The following HSPG2 variants were observed in gnomAD, a reference collection of about 807,000 sequenced individuals.
The protein encoded by HSPG2 is basement membrane-specific heparan sulfate proteoglycan core protein.
Under a neutral mutation model 526.6 loss-of-function variants are expected in HSPG2, and 278 were observed. The observed-to-expected ratio is 0.53, with a 90% CI of 0.48 to 0.58. The LOEUF (loss-of-function observed/expected upper bound fraction) is 0.58, where lower values mean the gene tolerates loss of function less well. Among genes scored for constraint, HSPG2 ranks in the 20% least tolerant of loss-of-function variants. The probability of loss-of-function intolerance (pLI) is 0.00; values close to 1 mark genes in which losing one functional copy is unlikely to be tolerated. For missense variants in HSPG2, 5,354 were observed against 6,099.5 expected, an observed-to-expected ratio of 0.88 and a Z score of 4.07; for synonymous variants, 2,465 against 2,555.4, an observed-to-expected ratio of 0.96 and a Z score of 1.07.
At chr1:21,873,540 C>T in intron 29 of HSPG2, 116 bp from the exon 30 acceptor site, 1 of 1,032,506 alleles carries the variant, frequency 9.7e-7, no homozygotes, top group South Asian at 1.3e-5. Flanking sequence ...AAAAGAAGAG[C>T]CTGACTCGCC....
rs1572194209 is a variant in HSPG2, at chr1:21,842,853, C to G, written c.8827G>C (p.Asp2943His). The change falls in exon 67 of 97, where the codon GAT becomes CAT. Residue 2943 changes from aspartate to histidine, a missense_variant. Transcript: ENST00000374695. ...SSHVTEGQTL[D>H]LNCVVPGQAH... ...TGCCCGGGCACCACACAGTTCAGAT[C>G]CAGAGTCTGCCCTTCAGTCACGTGT... 8 of 1,614,120 alleles carry G rather than the reference C, an allele frequency of 5.0e-6. No homozygotes were observed. In the East Asian group the frequency reaches 8.9e-5, roughly 18 times the overall value.
rs542068933 is a variant in HSPG2, at chr1:21,870,103, A to T, written c.4221+2083T>A. 2.5e-4 allele frequency: 80 copies of T among 313,914 alleles called. No individual in the cohort carries two copies. In the East Asian group the frequency reaches 0.011, roughly 43 times the overall value. The allele number at this position is 313,914 out of a possible 1,614,324, so 19.4% of individuals were successfully genotyped here. A position where few individuals can be genotyped will look rare whatever the true frequency, so the allele number is the denominator to read the frequency against. ...CTGGGGCCTGGCCTGGCATAGGGGA[A>T]ATGGCCCAGGAAAGCTGGAGTCTTC... On this transcript the variant is annotated intron_variant, in intron 33 of 96. Coordinates refer to ENST00000374695, the MANE Select transcript of HSPG2 (RefSeq NM_005529.7).
rs569847183 is a variant in HSPG2 at position 21,840,029 on chromosome 1, C to G, written c.9514-12G>C. ...TTAGCTGATGAAATCTGGGAGAAAG[C>G]AAGGAGGCTGGTTATGTGGGGACTC... is the stretch of plus-strand genomic sequence containing the variant. On this transcript the variant is annotated splice_polypyrimidine_tract_variant and intron_variant, in intron 71 of 96. Coordinates refer to ENST00000374695, the MANE Select transcript of HSPG2 (RefSeq NM_005529.7). The G allele has an allele frequency of 6.2e-7, 1 of 1,613,884 alleles. No individual in the cohort carries two copies. Among genetic ancestry groups the G allele is most frequent in the South Asian group, 1.1e-5 (1 of 91,064 alleles).
chr1:21,848,855 C>T lies in HSPG2; in HGVS notation c.7585+38G>A. 6.2e-7 allele frequency: 1 copy of T among 1,613,218 alleles called. No homozygotes were observed. The highest frequency in any genetic ancestry group is 1.1e-5 in the South Asian group (1 of 91,088). On this transcript the variant is annotated intron_variant, in intron 58 of 96. Coordinates refer to ENST00000374695, the MANE Select transcript of HSPG2 (RefSeq NM_005529.7). The surrounding 1 kb of genome is among the most constrained non-coding windows in gnomAD (Gnocchi z 4.9). ...TGCTGAGGGTGCAGTCGGGGTCCCCCAGCCCTCCACCATTTGCATGACCCC... is the reference window on the plus strand; with the variant it reads ...TGCTGAGGGTGCAGTCGGGGTCCCCTAGCCCTCCACCATTTGCATGACCCC...
rs2152762279 is a variant in HSPG2, at chr1:21,887,138, G to A, written c.1078+77C>T. On this transcript the variant is annotated intron_variant, in intron 9 of 96. Coordinates refer to ENST00000374695, the MANE Select transcript of HSPG2 (RefSeq NM_005529.7). This position sits in a 1 kb window ranked among gnomAD's most constrained non-coding sequence, Gnocchi z 5.0. Reference sequence around the variant, plus strand: ...AGCGGAGGGGCAGGGTAGGGGCGGGGCAGGAGTGGAAGGCGGGGCAGGAGC... The same window carrying A: ...AGCGGAGGGGCAGGGTAGGGGCGGGACAGGAGTGGAAGGCGGGGCAGGAGC... 3.9e-6 allele frequency: 6 copies of A among 1,540,058 alleles called. No homozygotes were observed. The highest frequency in any genetic ancestry group is 5.3e-6 in the Non-Finnish European group (6 of 1,123,718).
At chr1:21,902,844 C>A (rs564057480) in intron 1 of HSPG2, among the ~76,000 whole-genome samples, 18 of 152,336 alleles carry the variant, frequency 1.2e-4, no homozygotes, top group African/African-American at 3.4e-4. Flanking sequence ...TTGGACAAGC[C>A]CCTGCCTCCT....
intron 1 of HSPG2, among the ~76,000 whole-genome samples, chr1:21,930,490 C>T (rs768164633): frequency 1.3e-5 from 2 of 152,196 alleles, no homozygotes. Context: ...AGATCTAGAA[C>T]AGGGCGGGTG....
chr1:21,925,925 G>C (rs1644178580), intron 1 of HSPG2, among the ~76,000 whole-genome samples: 2 of 151,962 alleles, frequency 1.3e-5, no homozygotes, highest in South Asian at 4.2e-4. Context: ...CGCCTCCCGG[G>C]TTGAAGCAAT....
In HSPG2 at chr1:21,881,342, G is replaced by A. The variant is rs774853031; in HGVS notation, c.1815C>T (p.Asn605=). The change falls in exon 14 of 97, where the codon AAC becomes AAT. Residue 605 remains asparagine, a synonymous_variant. Transcript: ENST00000374695. ...FWALPEQFLG[N]KVDSYGGSLR... ...GGTGGCAGCCCAGGCCCCTCACCTT[G>A]TTGCCCAGGAACTGTTCAGGCAGAG... 1.2e-6 allele frequency: 2 copies of A among 1,613,732 alleles called. No homozygotes were observed. The highest frequency in any genetic ancestry group is 3.3e-5 in the Admixed American group (2 of 59,984).
rs537322467 is a variant in HSPG2 at position 21,909,538 on chromosome 1, T to C, written c.64-13228A>G. ...TATCCCTGATACTGAGAGCAGGGAA[T>C]GTCCCAAGGGACAGGCTTGTCTGGC... On this transcript the variant is annotated intron_variant, in intron 1 of 96. Transcript: ENST00000374695. 1.5e-4 allele frequency among the ~76,000 whole-genome samples: 23 copies of C among 152,376 alleles called. No homozygotes were observed. The South Asian group carries it at 4.1e-3, about 27-fold the overall frequency.
intron 9 of HSPG2, 145 bp from the exon 10 acceptor site, chr1:21,885,596 C>T (rs964793822): frequency 2.1e-6 from 2 of 930,624 alleles, no homozygotes; most frequent in African/African-American, 1.6e-5. Context: ...GTCCAACTCA[C>T]AGCCAGCATG....
chr1:21,913,765 C>T (rs991648909), intron 1 of HSPG2, among the ~76,000 whole-genome samples: 3 of 152,252 alleles, frequency 2.0e-5, no homozygotes, highest in Non-Finnish European at 4.4e-5. Flanking sequence ...TCCATCCAAT[C>T]CCATCATACG....
At chr1:21,894,829 C>G (rs1394705109) in intron 3 of HSPG2, among the ~76,000 whole-genome samples, 1 of 152,200 alleles carries the variant, frequency 6.6e-6, no homozygotes, top group Non-Finnish European at 1.5e-5. Flanking sequence ...TGGGGCCCAC[C>G]TGACACTCCC....
In HSPG2 at chr1:21,880,380, G is replaced by A. The variant is rs775651400; in HGVS notation, c.2178C>T (p.His726=). The change falls in exon 16 of 97, where the codon CAC becomes CAT. Residue 726 remains histidine (H), a synonymous_variant. Transcript: ENST00000374695. ...TCAGGCACCTGCACTCCTCCACACT[G>A]TGGGCACGGCCATGGCTGGTGGCAT... The part of the protein sequence containing the change: ...VTHATSHGRA[H]SVEECRCPIG... The A allele has an allele frequency of 2.5e-6, 4 of 1,613,972 alleles. No individual in the cohort carries two copies. Among genetic ancestry groups the A allele is most frequent in the Admixed American group, 3.3e-5 (2 of 60,012 alleles).
Position 21,862,128 on chromosome 1 carries a change from A to G in HSPG2, c.4741-13T>C, listed in dbSNP as rs1407119584. 2 of 1,610,956 alleles carry G rather than the reference A, an allele frequency of 1.2e-6. No individual in the cohort carries two copies. The highest frequency in any genetic ancestry group is 1.7e-6 in the Non-Finnish European group (2 of 1,179,960). On this transcript the variant is annotated splice_polypyrimidine_tract_variant and intron_variant, in intron 37 of 96. Transcript: ENST00000374695. ...TGTGCTGGCATTGCTGCAGGGCACA[A>G]GGAGGGCAGGCACCAGCCATTAGGC... is the stretch of plus-strand genomic sequence containing the variant.
At position 21,839,069 on chromosome 1, in the gene HSPG2, G is replaced by C; in HGVS notation, c.9906C>G (p.Thr3302=). The change falls in exon 74 of 97, where the codon ACC becomes ACG. Residue 3302 remains threonine (T), a synonymous_variant. Coordinates refer to ENST00000374695, the MANE Select transcript of HSPG2 (RefSeq NM_005529.7). The surrounding 1 kb of genome is among the most constrained non-coding windows in gnomAD (Gnocchi z 4.5). ...ILHVESPPYA[T]TVPEHASVQA... Reference sequence around the variant, plus strand: ...GCACCGAAGCGTGCTCTGGGACCGTGGTGGCATATGGTGGGCCTGAGTGGG... The same window carrying C: ...GCACCGAAGCGTGCTCTGGGACCGTCGTGGCATATGGTGGGCCTGAGTGGG... 6.3e-7 allele frequency: 1 copy of C among 1,584,276 alleles called. No individual in the cohort carries two copies. The highest frequency in any genetic ancestry group is 8.6e-7 in the Non-Finnish European group (1 of 1,160,006).
At chr1:21,886,591 CCCCTCCTAT>C (rs1345110132) in intron 9 of HSPG2, among the ~76,000 whole-genome samples, 1 of 152,164 alleles carries the variant, frequency 6.6e-6, no homozygotes, top group Non-Finnish European at 1.5e-5. Flanking sequence ...CTCCAGCCTC[CCCCTCCTAT>C]TTAACTGTCA....
Position 21,847,416 on chromosome 1 carries a change from T to G in HSPG2, c.8102A>C (p.Asn2701Thr). 6.2e-7 allele frequency: 1 copy of G among 1,613,760 alleles called. No individual in the cohort carries two copies. Among genetic ancestry groups the G allele is most frequent in the Non-Finnish European group, 8.5e-7 (1 of 1,179,912 alleles). ...GATGGAGGCCTCCAGGGCATCGATG[T>G]TGTTGTTGGCCCGGCACACATACTC... The part of the protein sequence containing the change: ...SGEYVCRANN[N>T]IDALEASIVI... The change falls in exon 62 of 97, where the codon AAC (asparagine) becomes ACC (threonine). Residue 2701 changes from asparagine (N) to threonine (T), a missense_variant. Transcript: ENST00000374695. This position sits in a 1 kb window ranked among gnomAD's most constrained non-coding sequence, Gnocchi z 4.1.
At chr1:21,878,088 G>T in intron 21 of HSPG2, 98 bp downstream of exon 21, 1 of 1,143,462 alleles carries the variant, frequency 8.7e-7, no homozygotes, top group Non-Finnish European at 1.3e-6. Flanking sequence ...CCACCCACTG[G>T]CCAAGGATCT....
Sources: allele counts gnomAD v4.1 joint callset (sites outside exome capture counted in the v4.1 genomes callset), GRCh38; gene constraint gnomAD v4.1.1; non-coding constraint Gnocchi (gnomAD v3.1); transcripts MANE v1.5; gene names NCBI Gene and HGNC (gene_info 2026-07-23, HGNC 2026-07-21).